The following TMED10 variants were observed in gnomAD, a reference collection of about 807,000 sequenced individuals.
TMED10 encodes the protein transmembrane p24 trafficking protein 10.
In TMED10, 7 loss-of-function variants were observed where a neutral mutation model predicts 23.1. The ratio of observed to expected loss-of-function variants is 0.30; its 90% CI spans 0.17 to 0.57. The LOEUF (loss-of-function observed/expected upper bound fraction) is 0.57. TMED10 is among the 20% of genes least tolerant of loss of function. The pLI is 0.91. For missense variants in TMED10, 162 were observed against 274.8 expected, an observed-to-expected ratio of 0.59 and a Z score of 2.90; for synonymous variants, 113 against 106.9, an observed-to-expected ratio of 1.06 and a Z score of -0.35.
intron 1 of TMED10, among the ~76,000 whole-genome samples, chr14:75,166,236 G>C (rs1781195437): frequency 6.6e-6 from 1 of 152,134 alleles, no homozygotes; most frequent in Non-Finnish European, 1.5e-5. Context: ...CAATGAGGTT[G>C]GGAGCACAGG....
Position 75,133,110 on chromosome 14 carries a change from A to G in TMED10, c.*1775T>C, listed in dbSNP as rs964566321. ...GCCCTCGATGTCTATTTTATACATC[A>G]TATCTCTTAATTCTCTAGATGGAAC... On this transcript the variant is annotated 3_prime_UTR_variant, in exon 5 of 5. Coordinates refer to ENST00000303575, the MANE Select transcript of TMED10 (RefSeq NM_006827.6). The G allele has an allele frequency of 6.6e-6, 1 of 152,224 alleles. No individual in the cohort carries two copies. Among genetic ancestry groups the G allele is most frequent in the Non-Finnish European group, 1.5e-5 (1 of 68,042 alleles). 9.4% of individuals were successfully genotyped at this position (152,224 alleles called of 1,614,324 possible).
rs184887403 is a variant in TMED10, at chr14:75,135,519, G to A, written c.538+241C>T. 9.5e-5 allele frequency: 41 copies of A among 432,102 alleles called. 1 individual carries two copies. Among genetic ancestry groups the A allele is most frequent in the African/African-American group, 8.4e-4 (41 of 48,866 alleles). The allele number at this position is 432,102 out of a possible 1,614,324, so 26.8% of individuals were successfully genotyped here. On this transcript the variant is annotated intron_variant, in intron 4 of 4. Coordinates refer to ENST00000303575, the MANE Select transcript of TMED10 (RefSeq NM_006827.6). ...AAAATTACAAAGATTGGTGCTATCAGTTTGATGTGGGTATAGACTAATTGA... is the reference window on the plus strand; with the variant it reads ...AAAATTACAAAGATTGGTGCTATCAATTTGATGTGGGTATAGACTAATTGA...
In TMED10 at chr14:75,176,400, G is replaced by T. The variant is rs779033697; in HGVS notation, c.180C>A (p.Ile60=). The part of the protein sequence containing the change: ...KDLLVTGAYE[I]SDQSGGAGGL... ...CGCCAGCGCCCCCAGACTGGTCGGA[G>T]ATCTCGTACGCGCCAGTCACTAGCA... The change falls in exon 1 of 5, where the codon ATC becomes ATA. Residue 60 remains isoleucine (I), a synonymous_variant. Coordinates refer to ENST00000303575, the MANE Select transcript of TMED10 (RefSeq NM_006827.6). 1.2e-6 allele frequency: 2 copies of T among 1,614,234 alleles called. No homozygotes were observed. The highest frequency in any genetic ancestry group is 8.5e-7 in the Non-Finnish European group (1 of 1,180,038).
rs1488731250 is a variant in TMED10 at position 75,134,411 on chromosome 14, G to C, written c.*474C>G. On this transcript the variant is annotated 3_prime_UTR_variant, in exon 5 of 5. Coordinates refer to ENST00000303575, the MANE Select transcript of TMED10 (RefSeq NM_006827.6). Reference sequence around the variant, plus strand: ...AAGCTATGTAAACATTTCAGCTAAGGGTAAAGAGAAAGTTAAGGGTGTTTT... The same window carrying C: ...AAGCTATGTAAACATTTCAGCTAAGCGTAAAGAGAAAGTTAAGGGTGTTTT... The C allele has an allele frequency of 6.4e-6, 1 of 156,978 alleles. No individual in the cohort carries two copies. Among genetic ancestry groups the C allele is most frequent in the Non-Finnish European group, 1.4e-5 (1 of 70,524 alleles). The allele number at this position is 156,978 out of a possible 1,614,324, so 9.7% of individuals were successfully genotyped here.
chr14:75,145,354 A>G (rs1441378251), intron 3 of TMED10, among the ~76,000 whole-genome samples: 1 of 152,186 alleles, frequency 6.6e-6, no homozygotes, highest in Non-Finnish European at 1.5e-5. Flanking sequence ...AAATTCCAGG[A>G]GGTATAGGGG....
chr14:75,158,792 C>T (rs1487726203), intron 1 of TMED10, among the ~76,000 whole-genome samples: 6 of 152,046 alleles, frequency 3.9e-5, no homozygotes, highest in African/African-American at 7.2e-5. Context: ...GGCATGGTGG[C>T]GCATGCCTGT....
chr14:75,133,251 A>C lies in TMED10; in HGVS notation c.*1634T>G, dbSNP rs1260321569. On this transcript the variant is annotated 3_prime_UTR_variant, in exon 5 of 5. Transcript: ENST00000303575. ...AAGCAACCACATATCTAACAGAGGA[A>C]TTTTATCTAGGATATATAAAAAACC... 3 of 152,198 alleles carry C rather than the reference A, an allele frequency of 2.0e-5. No homozygotes were observed. Among genetic ancestry groups the C allele is most frequent in the Admixed American group, 6.5e-5 (1 of 15,276 alleles). The allele number at this position is 152,198 out of a possible 1,614,324, so 9.4% of individuals were successfully genotyped here.
intron 1 of TMED10, among the ~76,000 whole-genome samples, chr14:75,154,342 C>T (rs1895993792): frequency 1.7e-5 from 2 of 118,252 alleles, no homozygotes; most frequent in Admixed American, 1.2e-4. Context: ...GCAGAAGTTG[C>T]GGTGAGCCGA....
intron 1 of TMED10, among the ~76,000 whole-genome samples, chr14:75,170,801 A>C (rs1259201549): frequency 1.3e-5 from 2 of 152,238 alleles, no homozygotes; most frequent in Non-Finnish European, 2.9e-5. Flanking sequence ...TTAATTCCTT[A>C]AGAATAATTT....
At chr14:75,142,574 C>T (rs1895836121) in intron 3 of TMED10, among the ~76,000 whole-genome samples, 1 of 152,204 alleles carries the variant, frequency 6.6e-6, no homozygotes, top group African/African-American at 2.4e-5. Flanking sequence ...CATACTGTGT[C>T]ACACAGTTAA....
At chr14:75,174,768 C>T (rs1040915628) in intron 1 of TMED10, among the ~76,000 whole-genome samples, 2 of 152,034 alleles carry the variant, frequency 1.3e-5, no homozygotes, top group Non-Finnish European at 2.9e-5. Context: ...CGAGGCCAGG[C>T]GCGGTGGCTT....
At position 75,135,117 on chromosome 14, in the gene TMED10, G is replaced by A. The variant is rs1011792917; in HGVS notation, c.539-111C>T. On this transcript the variant is annotated intron_variant, in intron 4 of 4. Coordinates refer to ENST00000303575, the MANE Select transcript of TMED10 (RefSeq NM_006827.6). ...ATTAATTAACTTCACTCTGTCCCTA[G>A]GTCTAACAGTAGGATTTCAGATAAT... 4 of 1,351,572 alleles carry A rather than the reference G, an allele frequency of 3.0e-6. No homozygotes were observed. In the Admixed American group the frequency reaches 6.3e-5, roughly 21 times the overall value. The allele number at this position is 1,351,572 out of a possible 1,614,324, so 83.7% of individuals were successfully genotyped here. A position where few individuals can be genotyped will look rare whatever the true frequency, so the allele number is the denominator to read the frequency against.
chr14:75,140,944 CTT>C, intron 3 of TMED10, among the ~76,000 whole-genome samples: 1 of 151,994 alleles, frequency 6.6e-6, no homozygotes. Flanking sequence ...TAACAATAGA[CTT>C]TTATTACCAG....
At position 75,167,038 on chromosome 14, in the gene TMED10, T is replaced by G. The variant is rs181254638; in HGVS notation, c.225+9317A>C. Among the ~76,000 whole-genome samples the G allele has an allele frequency of 1.0e-3, 156 of 150,408 alleles. 3 individuals carry two copies. In the East Asian group the frequency reaches 0.029, roughly 28 times the overall value. On this transcript the variant is annotated intron_variant, in intron 1 of 4. Transcript: ENST00000303575. ...CTCACTGCAACCTCCACTTCCCAGGTTCAAGCGATTCTCCTGCCTCAGCCT... is the reference window on the plus strand; with the variant it reads ...CTCACTGCAACCTCCACTTCCCAGGGTCAAGCGATTCTCCTGCCTCAGCCT...
intron 1 of TMED10, among the ~76,000 whole-genome samples, chr14:75,163,937 A>T (rs1896116900): frequency 6.6e-6 from 1 of 152,044 alleles, no homozygotes; most frequent in Non-Finnish European, 1.5e-5. Context: ...TGTGAAGATT[A>T]AATGTTATAC....
chr14:75,151,049 T>C (rs915677210), intron 2 of TMED10, among the ~76,000 whole-genome samples: 5 of 150,796 alleles, frequency 3.3e-5, no homozygotes, highest in African/African-American at 2.4e-5. Flanking sequence ...ATTACAGGCA[T>C]GTGCCACCAC....
chr14:75,134,921 C>G lies in TMED10; in HGVS notation c.624G>C (p.Leu208=). ...ATTTCTTGGCCTTGAAGAAGCGTCGCAGGTAGAAGACCTGCCAGGTAGCTA... is the reference window on the plus strand; with the variant it reads ...ATTTCTTGGCCTTGAAGAAGCGTCGGAGGTAGAAGACCTGCCAGGTAGCTA... The part of the protein sequence containing the change: ...IGLATWQVFY[L]RRFFKAKKLI... The change falls in exon 5 of 5, where the codon CTG becomes CTC. Residue 208 remains leucine, a synonymous_variant. Coordinates refer to ENST00000303575, the MANE Select transcript of TMED10 (RefSeq NM_006827.6). The G allele has an allele frequency of 6.2e-7, 1 of 1,613,984 alleles. No individual in the cohort carries two copies. Among genetic ancestry groups the G allele is most frequent in the Non-Finnish European group, 8.5e-7 (1 of 1,179,950 alleles).
chr14:75,145,406 A>G (rs923867203), intron 3 of TMED10, among the ~76,000 whole-genome samples: 8 of 152,244 alleles, frequency 5.3e-5, no homozygotes, highest in African/African-American at 1.9e-4. Context: ...AGCATTCTTT[A>G]TATAAACCCA....
intron 1 of TMED10, among the ~76,000 whole-genome samples, chr14:75,163,839 G>A (rs966431547): frequency 2.0e-5 from 3 of 151,882 alleles, no homozygotes; most frequent in Admixed American, 6.6e-5. Flanking sequence ...TGCCCAGGCT[G>A]GTTATGTACT....
Sources: allele counts gnomAD v4.1 joint callset (sites outside exome capture counted in the v4.1 genomes callset), GRCh38; gene constraint gnomAD v4.1.1; transcripts MANE v1.5; gene names NCBI Gene and HGNC (gene_info 2026-07-23, HGNC 2026-07-21).